Variants in SNX29 observed in about 807,000 individuals in gnomAD.
The protein encoded by SNX29 is sorting nexin 29.
Under a neutral mutation model 102.1 loss-of-function variants are expected in SNX29, and 78 were observed. The observed-to-expected ratio is 0.76, with a 90% CI of 0.64 to 0.92. SNX29 has a LOEUF of 0.92. Ranked by LOEUF, SNX29 falls within the 40% of genes least tolerant of loss-of-function variation. The pLI is 0.00. For synonymous variants in SNX29, 580 were observed against 414.5 expected (o/e 1.40, Z -4.85); for missense variants, 1,280 against 1,061.7 (o/e 1.21, Z -2.86).
At chr16:12,396,893 A>G (rs1320530307) in intron 16 of SNX29, among the ~76,000 whole-genome samples, 1 of 152,206 alleles carries the variant, frequency 6.6e-6, no homozygotes, top group Non-Finnish European at 1.5e-5. Flanking sequence ...AAAATAGAAA[A>G]TACAAATTCT....
intron 20 of SNX29, among the ~76,000 whole-genome samples, chr16:12,543,042 A>T (rs1284588255): frequency 6.6e-6 from 1 of 152,200 alleles, no homozygotes; most frequent in East Asian, 1.9e-4. Context: ...AGGCTCAAAA[A>T]GTGTCACCAG....
chr16:12,527,858 T>C (rs918914575), intron 20 of SNX29, among the ~76,000 whole-genome samples: 31 of 150,098 alleles, frequency 2.1e-4, no homozygotes, highest in Admixed American at 7.3e-4. Context: ...GAAGTCTCGC[T>C]CTGTCGGCCA....
intron 14 of SNX29, among the ~76,000 whole-genome samples, chr16:12,241,717 C>T (rs1001338604): frequency 4.6e-5 from 7 of 152,316 alleles, no homozygotes; most frequent in African/African-American, 1.7e-4. Flanking sequence ...CTGCCTTGGC[C>T]TCCCAAAGTG....
At chr16:12,259,250 C>T (rs1486367566) in intron 14 of SNX29, among the ~76,000 whole-genome samples, 1 of 152,212 alleles carries the variant, frequency 6.6e-6, no homozygotes, top group East Asian at 1.9e-4. Context: ...AAAAAATGCA[C>T]TCCGCTTCCA....
intron 14 of SNX29, among the ~76,000 whole-genome samples, chr16:12,207,144 G>A (rs2077065218): frequency 6.6e-6 from 1 of 152,076 alleles, no homozygotes; most frequent in Non-Finnish European, 1.5e-5. Flanking sequence ...CAAGACGGGT[G>A]GATCACCAGA....
chr16:12,250,597 CG>C (rs2078393866), intron 14 of SNX29, among the ~76,000 whole-genome samples: 1 of 152,270 alleles, frequency 6.6e-6, no homozygotes, highest in South Asian at 2.1e-4. Context: ...ATGCAGTCCT[CG>C]GGTTGTGTTT....
intron 13 of SNX29, among the ~76,000 whole-genome samples, chr16:12,136,815 C>G (rs2054680551): frequency 6.6e-6 from 1 of 152,220 alleles, no homozygotes; most frequent in South Asian, 2.1e-4. Flanking sequence ...TCTCAGCTCA[C>G]TGCAACCTCC....
chr16:12,557,262 G>C (rs140289424), intron 20 of SNX29: 10 of 152,330 alleles, frequency 6.6e-5, no homozygotes, highest in Non-Finnish European at 1.2e-4. Context: ...GGAAAGATAA[G>C]TGGGGAGTGC....
chr16:12,244,805 T>C (rs2078213604), intron 14 of SNX29, among the ~76,000 whole-genome samples: 1 of 152,274 alleles, frequency 6.6e-6, no homozygotes, highest in African/African-American at 2.4e-5. Context: ...AGATCCCTGG[T>C]TAATGCTCAA....
chr16:12,497,909 T>C (rs985242030), intron 19 of SNX29, among the ~76,000 whole-genome samples: 1 of 152,156 alleles, frequency 6.6e-6, no homozygotes, highest in African/African-American at 2.4e-5. Context: ...CATTGGTTCA[T>C]CCCTGGATGG....
chr16:12,141,130 C>G, intron 13 of SNX29, among the ~76,000 whole-genome samples: 1 of 152,100 alleles, frequency 6.6e-6, no homozygotes, highest in African/African-American at 2.4e-5. Flanking sequence ...TAGAAGGAGT[C>G]CAGAAAAAGA....
chr16:12,337,295 G>A (rs1342851107), intron 15 of SNX29, among the ~76,000 whole-genome samples: 7 of 152,010 alleles, frequency 4.6e-5, no homozygotes, highest in Non-Finnish European at 1.0e-4. Context: ...GGTATAAATG[G>A]TAACGGGAAA....
intron 18 of SNX29, among the ~76,000 whole-genome samples, chr16:12,411,605 A>T (rs929362391): frequency 1.3e-5 from 2 of 152,186 alleles, no homozygotes; most frequent in Non-Finnish European, 2.9e-5. Flanking sequence ...AAAGCTGTTG[A>T]TCAAGGTTCT....
intron 20 of SNX29, among the ~76,000 whole-genome samples, chr16:12,537,780 A>G (rs1365712692): frequency 1.3e-5 from 2 of 152,028 alleles, no homozygotes; most frequent in East Asian, 1.9e-4. Context: ...AACAAAAAAA[A>G]GTAATAAAAT....
chr16:12,399,110 G>T (rs1191030246), intron 17 of SNX29, among the ~76,000 whole-genome samples: 5 of 152,178 alleles, frequency 3.3e-5, no homozygotes, highest in African/African-American at 9.7e-5. Context: ...GAGTGCAGTG[G>T]CACGATCTCG....
At chr16:12,557,404 T>C (rs959047906) in intron 20 of SNX29, 1 of 152,176 alleles carries the variant, frequency 6.6e-6, no homozygotes, top group Admixed American at 6.6e-5. Context: ...CACCTTTGGC[T>C]TTTGAGACTG....
chr16:12,565,661 G>C (rs115373011), intron 20 of SNX29, among the ~76,000 whole-genome samples: 6 of 152,326 alleles, frequency 3.9e-5, no homozygotes, highest in East Asian at 1.9e-4. Context: ...TGACAGCTCA[G>C]TGCACGTCCC....
chr16:12,231,351 A>G (rs542572350), intron 14 of SNX29, among the ~76,000 whole-genome samples: 1 of 152,334 alleles, frequency 6.6e-6, no homozygotes, highest in East Asian at 1.9e-4. Context: ...TCTTAAAAAC[A>G]TAATTGAACT....
chr16:12,447,959 C>G (rs1223488962), intron 18 of SNX29, among the ~76,000 whole-genome samples: 1 of 152,156 alleles, frequency 6.6e-6, no homozygotes, highest in African/African-American at 2.4e-5. Flanking sequence ...CTGATGGTAG[C>G]TGAGATCATT....
Sources: gnomAD v4.1 joint callset for allele counts (sites outside exome capture counted in the v4.1 genomes callset) on GRCh38, gnomAD v4.1.1 for gene constraint, MANE v1.5 for transcripts, NCBI Gene and HGNC (gene_info 2026-07-23, HGNC 2026-07-21) for gene names.